Variants in DMD observed in about 807,000 individuals in gnomAD.
DMD encodes the protein dystrophin.
A neutral mutation model predicts 330.1 loss-of-function variants in DMD; 63 were observed. The ratio of observed to expected loss-of-function variants is 0.19; its 90% CI spans 0.16 to 0.24. The LOEUF (loss-of-function observed/expected upper bound fraction) is 0.24, where lower values mean the gene tolerates loss of function less well. Among genes scored for constraint, DMD ranks in the 10% least tolerant of loss-of-function variants. The pLI, the probability that DMD is intolerant of heterozygous loss-of-function variation, is 1.00. For missense variants in DMD, 3,344 were observed against 2,684.1 expected (o/e 1.25, Z -5.43); for synonymous variants, 1,223 against 959.8 (o/e 1.27, Z -5.07).
intron 11 of DMD, among the ~76,000 whole-genome samples, chrX:32,638,344 A>G (rs772522758): frequency 1.8e-3 from 198 of 112,135 alleles, no homozygotes; most frequent in Non-Finnish European, 3.1e-3. Flanking sequence ...CACTTGATAG[A>G]AAAATAGGAA....
intron 4 of DMD, among the ~76,000 whole-genome samples, chrX:32,830,706 G>C (rs1388113238): frequency 8.9e-6 from 1 of 111,769 alleles, no homozygotes; most frequent in African/African-American, 3.2e-5. Context: ...CTGTCAACAG[G>C]CCTAAGATTT....
intron 16 of DMD, among the ~76,000 whole-genome samples, chrX:32,552,658 T>A (rs756848897): frequency 1.8e-5 from 2 of 111,711 alleles, no homozygotes; most frequent in South Asian, 7.4e-4. Context: ...GGAGAAAAAT[T>A]TTGCAAACTT....
intron 62 of DMD, among the ~76,000 whole-genome samples, chrX:31,309,059 C>A (rs1046433398): frequency 9.0e-6 from 1 of 111,458 alleles, no homozygotes; most frequent in African/African-American, 3.3e-5. Flanking sequence ...ATAAGCATAC[C>A]TATTGGGATC....
chrX:32,861,284 G>T (rs868459193), intron 2 of DMD, among the ~76,000 whole-genome samples: 4 of 112,113 alleles, frequency 3.6e-5, no homozygotes, highest in South Asian at 7.4e-4. Flanking sequence ...TGTAATGTTG[G>T]CCTCAAAGTA....
At chrX:32,933,164 C>T (rs2089731468) in intron 2 of DMD, among the ~76,000 whole-genome samples, 1 of 72,855 alleles carries the variant, frequency 1.4e-5, no homozygotes, top group African/African-American at 5.4e-5. Context: ...CAAATGGAAA[C>T]CTAAAGACAC....
chrX:32,189,506 C>T (rs2096962642), intron 44 of DMD, among the ~76,000 whole-genome samples: 1 of 110,907 alleles, frequency 9.0e-6, no homozygotes, highest in African/African-American at 3.3e-5. Context: ...GTAAATGTGA[C>T]AGAGACTATT....
intron 42 of DMD, among the ~76,000 whole-genome samples, chrX:32,291,291 G>A (rs1323942560): frequency 8.9e-6 from 1 of 111,905 alleles, no homozygotes; most frequent in Non-Finnish European, 1.9e-5. Flanking sequence ...AGTGCCAACT[G>A]TTATGACTCC....
At chrX:31,403,337 G>A (rs1016599377) in intron 60 of DMD, among the ~76,000 whole-genome samples, 3 of 111,626 alleles carry the variant, frequency 2.7e-5, no homozygotes, top group Non-Finnish European at 5.7e-5. Flanking sequence ...TCTGTTTCTA[G>A]ACTATGTGAT....
chrX:31,266,175 A>AAAAAAAAAAAAAAAAAAAAAAAAC (rs2051069145), intron 62 of DMD, among the ~76,000 whole-genome samples: 1 of 103,248 alleles, frequency 9.7e-6, no homozygotes, highest in African/African-American at 3.7e-5. Flanking sequence ...AAAAAAAAAA[A>AAAAAAAAAAAAAAAAAAAAAAAAC]AAAAAAAAGC....
intron 44 of DMD, among the ~76,000 whole-genome samples, chrX:32,113,242 C>A (rs926298243): frequency 8.9e-6 from 1 of 112,570 alleles, no homozygotes; most frequent in Non-Finnish European, 1.9e-5. Flanking sequence ...AAACAAGGTG[C>A]ATCCAGTAGG....
At chrX:31,463,391 T>G (rs1297961452) in intron 59 of DMD, among the ~76,000 whole-genome samples, 1 of 112,079 alleles carries the variant, frequency 8.9e-6, no homozygotes, top group East Asian at 2.8e-4. Context: ...GAAAACTGAT[T>G]TACCAAGAAA....
chrX:31,376,696 G>T (rs2059902658), intron 60 of DMD, among the ~76,000 whole-genome samples: 1 of 112,159 alleles, frequency 8.9e-6, no homozygotes, highest in African/African-American at 3.2e-5. Flanking sequence ...GAAGTTGGAG[G>T]TGCCACTGCA....
At chrX:32,897,134 G>A (rs971040949) in intron 2 of DMD, among the ~76,000 whole-genome samples, 33 of 111,009 alleles carry the variant, frequency 3.0e-4, no homozygotes, top group African/African-American at 8.8e-4. Context: ...CCTTAAAATC[G>A]TGCTTGTTCC....
intron 51 of DMD, among the ~76,000 whole-genome samples, chrX:31,745,023 G>A (rs781219361): frequency 9.0e-6 from 1 of 111,558 alleles, no homozygotes; most frequent in East Asian, 2.8e-4. Context: ...AATGACAAAC[G>A]TAATAGTCTA....
intron 60 of DMD, among the ~76,000 whole-genome samples, chrX:31,439,547 G>A (rs982803872): frequency 2.8e-4 from 31 of 112,044 alleles, no homozygotes; most frequent in African/African-American, 9.7e-4. Flanking sequence ...TTTGACATAT[G>A]TAAAGAATCT....
intron 60 of DMD, among the ~76,000 whole-genome samples, chrX:31,398,061 CATAT>C (rs1489206194): frequency 8.9e-6 from 1 of 112,538 alleles, no homozygotes; most frequent in Non-Finnish European, 1.9e-5. Context: ...ATGTGCAACA[CATAT>C]AGTATGTACT....
chrX:32,811,481 A>G (rs1293161930), intron 6 of DMD, among the ~76,000 whole-genome samples: 1 of 112,310 alleles, frequency 8.9e-6, no homozygotes. Flanking sequence ...TTCTCTGTGT[A>G]TCTTTCTCTT....
At chrX:31,299,472 A>G (rs2054465956) in intron 62 of DMD, among the ~76,000 whole-genome samples, 1 of 111,962 alleles carries the variant, frequency 8.9e-6, no homozygotes, top group African/African-American at 3.2e-5. Context: ...AAGTCAACTA[A>G]TTGTTCGTTT....
chrX:31,396,219 G>T (rs193292138), intron 60 of DMD, among the ~76,000 whole-genome samples: 1 of 106,036 alleles, frequency 9.4e-6, no homozygotes, highest in Non-Finnish European at 1.9e-5. Flanking sequence ...CTCACTGCAA[G>T]CTCCGCCTCC....
Sources: gnomAD v4.1 joint callset for allele counts (sites outside exome capture counted in the v4.1 genomes callset) on GRCh38, gnomAD v4.1.1 for gene constraint, MANE v1.5 for transcripts, NCBI Gene and HGNC (gene_info 2026-07-23, HGNC 2026-07-21) for gene names.